TMPRSS7: variants seen among roughly 807,000 people sequenced by gnomAD.
The protein encoded by TMPRSS7 is transmembrane protease serine 7.
Under a neutral mutation model 95.6 loss-of-function variants are expected in TMPRSS7, and 81 were observed. The ratio of observed to expected loss-of-function variants is 0.85; its 90% CI spans 0.71 to 1.02. The LOEUF (loss-of-function observed/expected upper bound fraction) is 1.02, where lower values mean the gene tolerates loss of function less well. Ranked by LOEUF, TMPRSS7 falls within the 50% of genes least tolerant of loss-of-function variation. TMPRSS7 has a pLI of 0.00. For missense variants in TMPRSS7, 945 were observed against 955.2 expected (o/e 0.99, Z 0.14); for synonymous variants, 364 against 337.8 (o/e 1.08, Z -0.85).
downstream of TMPRSS7, chr3:112,081,190 T>G: frequency 8.8e-7 from 1 of 1,132,326 alleles, no homozygotes; most frequent in Non-Finnish European, 1.2e-6. Context: ...CCCAGCACGT[T>G]GGGAGGCCGA....
chr3:112,039,756 A>T (rs1031043083), intron 2 of TMPRSS7: 1 of 152,230 alleles, frequency 6.6e-6, no homozygotes, highest in African/African-American at 2.4e-5. Flanking sequence ...AATAGTAAGT[A>T]AAGTGTTTCT....
At chr3:112,072,231 G>A (rs1408267862) in intron 13 of TMPRSS7, among the ~76,000 whole-genome samples, 1 of 152,212 alleles carries the variant, frequency 6.6e-6, no homozygotes, top group African/African-American at 2.4e-5. Flanking sequence ...GTTGGAGTTT[G>A]CTAGAGGTCT....
intron 15 of TMPRSS7, among the ~76,000 whole-genome samples, chr3:112,076,501 T>C (rs2073711225): frequency 6.6e-6 from 1 of 152,254 alleles, no homozygotes; most frequent in Non-Finnish European, 1.5e-5. Context: ...GGATTCTCCA[T>C]CAAATGCCAT....
intron 17 of TMPRSS7, among the ~76,000 whole-genome samples, chr3:112,080,097 A>C (rs1329157361): frequency 2.0e-5 from 3 of 152,230 alleles, no homozygotes; most frequent in Non-Finnish European, 4.4e-5. Context: ...ATCAGGTATA[A>C]GATCATAATT....
chr3:112,069,192 A>G (rs1247600990), intron 13 of TMPRSS7, among the ~76,000 whole-genome samples: 1 of 152,170 alleles, frequency 6.6e-6, no homozygotes, highest in East Asian at 1.9e-4. Context: ...CATGGTGGAT[A>G]AGCTTTTTGA....
chr3:112,043,744 T>C (rs2073240370), intron 3 of TMPRSS7, among the ~76,000 whole-genome samples: 1 of 152,186 alleles, frequency 6.6e-6, no homozygotes, highest in Non-Finnish European at 1.5e-5. Flanking sequence ...GATCCAATTA[T>C]GAAGTTTTAA....
intron 9 of TMPRSS7, among the ~76,000 whole-genome samples, chr3:112,053,281 C>T (rs1414027075): frequency 6.6e-6 from 1 of 152,004 alleles, no homozygotes; most frequent in African/African-American, 2.4e-5. Context: ...CTCAATCCAT[C>T]TTAGTGTCTG....
intron 12 of TMPRSS7, among the ~76,000 whole-genome samples, chr3:112,065,561 T>G (rs890409081): frequency 6.6e-6 from 1 of 152,214 alleles, no homozygotes; most frequent in Non-Finnish European, 1.5e-5. Flanking sequence ...GTAATCATTA[T>G]TCCTCATTGT....
chr3:112,051,885 A>G (rs2073364772), intron 9 of TMPRSS7, among the ~76,000 whole-genome samples: 1 of 152,080 alleles, frequency 6.6e-6, no homozygotes, highest in African/African-American at 2.4e-5. Flanking sequence ...CAATTAGATG[A>G]ATTAGATGTA....
chr3:112,063,638 T>C lies in TMPRSS7; in HGVS notation c.1555+6T>C. On this transcript the variant is annotated splice_donor_region_variant and intron_variant, in intron 12 of 17. Coordinates refer to ENST00000452346, the Ensembl canonical transcript of TMPRSS7. ...AAGTGATGAACTGTTTTGCGGTGGGTATTCAAGATTTTAATATGACTTTCT... is the reference window on the plus strand; with the variant it reads ...AAGTGATGAACTGTTTTGCGGTGGGCATTCAAGATTTTAATATGACTTTCT... 1 of 1,610,038 alleles carries C rather than the reference T, an allele frequency of 6.2e-7. No homozygotes were observed. Among genetic ancestry groups the C allele is most frequent in the African/African-American group, 1.3e-5 (1 of 74,946 alleles).
chr3:112,075,869 G>T (rs1472293914), intron 15 of TMPRSS7, among the ~76,000 whole-genome samples: 1 of 152,164 alleles, frequency 6.6e-6, no homozygotes, highest in African/African-American at 2.4e-5. Context: ...CCAAGGGTAA[G>T]AGGACATCTT....
exon 12 of TMPRSS7, chr3:112,063,628 T>C: frequency 6.2e-7 from 1 of 1,613,464 alleles, no homozygotes; most frequent in Non-Finnish European, 8.5e-7. Flanking sequence ...ATGAACTGTT[T>C]TGCGGTGGGT....
At chr3:112,069,633 C>G (rs889822248) in intron 13 of TMPRSS7, among the ~76,000 whole-genome samples, 1 of 152,224 alleles carries the variant, frequency 6.6e-6, no homozygotes, top group African/African-American at 2.4e-5. Flanking sequence ...ATAGTATTCT[C>G]TGATGCAGTT....
chr3:112,075,309 T>C lies in TMPRSS7; in HGVS notation c.1784-12T>C. ...GTCTACCTTTAAATCACATGCCCTTTCTCCACCAAAGCCTGCAGCAGGAGT... is the reference window on the plus strand; with the variant it reads ...GTCTACCTTTAAATCACATGCCCTTCCTCCACCAAAGCCTGCAGCAGGAGT... On this transcript the variant is annotated splice_polypyrimidine_tract_variant and intron_variant, in intron 14 of 17. Coordinates refer to ENST00000452346, the Ensembl canonical transcript of TMPRSS7. The C allele has an allele frequency of 8.6e-6, 12 of 1,398,888 alleles. No individual in the cohort carries two copies. The highest frequency in any genetic ancestry group is 1.0e-5 in the Non-Finnish European group (11 of 1,067,298). 86.7% of individuals were successfully genotyped at this position (1,398,888 alleles called of 1,614,324 possible).
intron 13 of TMPRSS7, among the ~76,000 whole-genome samples, chr3:112,073,164 T>C (rs2073671599): frequency 6.6e-6 from 1 of 151,082 alleles, no homozygotes; most frequent in African/African-American, 2.4e-5. Context: ...CAGTCTGGGC[T>C]CACTGCAACT....
intron 13 of TMPRSS7, among the ~76,000 whole-genome samples, chr3:112,069,791 A>AT (rs201610367): frequency 0.03 from 4,537 of 151,292 alleles, 187 homozygotes; most frequent in African/African-American, 0.088. Context: ...AGATTCATTG[A>AT]TTTTTTTTTG....
intron 1 of TMPRSS7, among the ~76,000 whole-genome samples, chr3:112,035,240 G>A (rs1010487392): frequency 1.3e-5 from 2 of 152,292 alleles, no homozygotes. Flanking sequence ...GCATTTCTGC[G>A]TGTTTCTTTA....
At chr3:112,047,679 T>A in intron 6 of TMPRSS7, 60 bp from the exon 7 acceptor site, 1 of 1,318,038 alleles carries the variant, frequency 7.6e-7, no homozygotes, top group Non-Finnish European at 1.1e-6. Flanking sequence ...AGATTTCTGT[T>A]TTTATAAAAG....
intron 9 of TMPRSS7, among the ~76,000 whole-genome samples, chr3:112,051,262 AC>A (rs2073344966): frequency 6.6e-6 from 1 of 152,218 alleles, no homozygotes; most frequent in Non-Finnish European, 1.5e-5. Context: ...CAAATAAAAA[AC>A]AATACAATAT....
Sources: gnomAD v4.1 joint callset for allele counts (sites outside exome capture counted in the v4.1 genomes callset) on GRCh38, gnomAD v4.1.1 for gene constraint, MANE v1.5 for transcripts, NCBI Gene and HGNC (gene_info 2026-07-23, HGNC 2026-07-21) for gene names.